The following RALGAPA1 variants were observed in gnomAD, a reference collection of about 807,000 sequenced individuals.
The protein encoded by RALGAPA1 is ral GTPase-activating protein subunit alpha-1.
Under a neutral mutation model 269.6 loss-of-function variants are expected in RALGAPA1, and 52 were observed. The ratio of observed to expected loss-of-function variants is 0.19; its 90% CI spans 0.15 to 0.24. The LOEUF (loss-of-function observed/expected upper bound fraction) is 0.24. Among genes scored for constraint, RALGAPA1 ranks in the 10% least tolerant of loss-of-function variants. The probability of loss-of-function intolerance (pLI) is 1.00; values close to 1 mark genes in which losing one functional copy is unlikely to be tolerated. For synonymous variants in RALGAPA1, 817 were observed against 1,008.3 expected (o/e 0.81, Z 3.60); for missense variants, 1,917 against 3,013.9 (o/e 0.64, Z 8.52).
In RALGAPA1 at chr14:35,609,087, G is replaced by A. The variant is rs147192718; in HGVS notation, c.6930-3378C>T. Among the ~76,000 whole-genome samples the A allele has an allele frequency of 3.2e-3, 480 of 152,034 alleles. 3 individuals are homozygous for A. Among genetic ancestry groups the A allele is most frequent in the African/African-American group, 0.011 (456 of 41,502 alleles). On this transcript the variant is annotated intron_variant, in intron 35 of 41. Coordinates refer to ENST00000680220, the MANE Select transcript of RALGAPA1 (RefSeq NM_001346249.2). ...TAAAAATACAAAAAATTAGCCAGGC[G>A]TCGGTGGGGGGTGCCTGTAGTCCCA...
chr14:35,726,327 T>C (rs948305344), intron 13 of RALGAPA1, among the ~76,000 whole-genome samples: 1 of 152,258 alleles, frequency 6.6e-6, no homozygotes, highest in Non-Finnish European at 1.5e-5. Flanking sequence ...CTTATGCTTC[T>C]AGCTTAGCTA....
intron 12 of RALGAPA1, among the ~76,000 whole-genome samples, chr14:35,734,330 C>T (rs2070776754): frequency 6.6e-6 from 1 of 152,168 alleles, no homozygotes; most frequent in Admixed American, 6.5e-5. Context: ...GTCACCAAAA[C>T]AGCATGGTAC....
intron 28 of RALGAPA1, among the ~76,000 whole-genome samples, chr14:35,656,151 CACA>C (rs1172578165): frequency 6.6e-6 from 1 of 152,138 alleles, no homozygotes; most frequent in Non-Finnish European, 1.5e-5. Flanking sequence ...TGGGATACCA[CACA>C]ACATGTTTTT....
At chr14:35,645,704 T>G (rs1176960708) in intron 31 of RALGAPA1, among the ~76,000 whole-genome samples, 2 of 137,376 alleles carry the variant, frequency 1.5e-5, no homozygotes, top group Admixed American at 1.6e-4. Context: ...CACTCCAGCC[T>G]GGGCGACAGA....
At chr14:35,621,167 T>C (rs1469748639) in intron 35 of RALGAPA1, among the ~76,000 whole-genome samples, 1 of 152,094 alleles carries the variant, frequency 6.6e-6, no homozygotes, top group African/African-American at 2.4e-5. Context: ...AACAGATATA[T>C]AGACCAACAG....
chr14:35,805,076 G>A lies in RALGAPA1; in HGVS notation c.106+3654C>T, dbSNP rs527730971. ...GCTGAGGCAGGCGGATCACGAGGTC[G>A]CGAGTTCAAGACCAGCCTGACCAAC... is the stretch of plus-strand genomic sequence containing the variant. On this transcript the variant is annotated intron_variant, in intron 1 of 41. Transcript: ENST00000680220. 8.2e-4 allele frequency among the ~76,000 whole-genome samples: 124 copies of A among 150,822 alleles called. 1 individual carries two copies. The highest frequency in any genetic ancestry group is 3.0e-3 in the Admixed American group (46 of 15,120).
intron 8 of RALGAPA1, among the ~76,000 whole-genome samples, chr14:35,750,899 C>T (rs545663649): frequency 6.6e-6 from 1 of 152,244 alleles, no homozygotes; most frequent in African/African-American, 2.4e-5. Flanking sequence ...TATGTGGAAA[C>T]ATGTATTTTT....
intron 35 of RALGAPA1, among the ~76,000 whole-genome samples, chr14:35,614,258 C>T (rs980849782): frequency 6.6e-6 from 1 of 152,148 alleles, no homozygotes; most frequent in East Asian, 1.9e-4. Flanking sequence ...ACACAAAAAA[C>T]TGTACATGAA....
intron 41 of RALGAPA1, among the ~76,000 whole-genome samples, chr14:35,546,488 T>G (rs1216165059): frequency 2.6e-5 from 4 of 151,670 alleles, no homozygotes; most frequent in Admixed American, 2.0e-4. Flanking sequence ...ATTATTTTTC[T>G]ATACTATTCC....
Position 35,686,610 on chromosome 14 carries a change from T to C in RALGAPA1, c.4009A>G (p.Ser1337Gly), listed in dbSNP as rs765906797. 6.8e-6 allele frequency: 11 copies of C among 1,609,040 alleles called. No homozygotes were observed. The highest frequency in any genetic ancestry group is 2.2e-5 in the South Asian group (2 of 90,716). The change falls in exon 19 of 42, where the codon AGC becomes GGC. Residue 1337 changes from serine to glycine, a missense_variant. Physicochemically the swap from Ser to Gly is moderately conservative, Grantham distance 56. Around this residue, in one of 11 missense-constraint regions of RALGAPA1, gnomAD observed 615 missense variants for 790.0 expected, o/e 0.78. Coordinates refer to ENST00000680220, the MANE Select transcript of RALGAPA1 (RefSeq NM_001346249.2). ...ATCAGATCAGGAACATTAGCACTGC[T>C]GCCGCCAATATCACTATTAAGAGGA... ...LPPLNSDIGG[S>G]SANVPDLMDE...
intron 39 of RALGAPA1, among the ~76,000 whole-genome samples, chr14:35,551,415 C>T (rs1310014893): frequency 6.6e-6 from 1 of 152,094 alleles, no homozygotes; most frequent in African/African-American, 2.4e-5. Flanking sequence ...ACCAAAGGTG[C>T]TGCCAGGAAG....
intron 36 of RALGAPA1, among the ~76,000 whole-genome samples, chr14:35,602,876 G>A (rs907237732): frequency 2.6e-5 from 4 of 152,058 alleles, no homozygotes; most frequent in African/African-American, 4.8e-5. Context: ...AAAATTCTAG[G>A]TCTTAACATT....
chr14:35,760,060 T>A (rs79553708), intron 6 of RALGAPA1, among the ~76,000 whole-genome samples: 6,165 of 152,248 alleles, frequency 0.04, 352 homozygotes, highest in African/African-American at 0.12. Flanking sequence ...AAAATTCAAT[T>A]TACATATAAC....
chr14:35,727,325 A>ATATATAC (rs1226103338), intron 13 of RALGAPA1, among the ~76,000 whole-genome samples: 2 of 144,148 alleles, frequency 1.4e-5, no homozygotes, highest in African/African-American at 5.0e-5. Flanking sequence ...ATATATATAT[A>ATATATAC]TATATATATA....
intron 35 of RALGAPA1, among the ~76,000 whole-genome samples, chr14:35,606,805 T>C (rs1316636135): frequency 6.6e-6 from 1 of 151,714 alleles, no homozygotes; most frequent in Non-Finnish European, 1.5e-5. Context: ...ATTAAAGTTC[T>C]TTAAAGAATT....
At chr14:35,714,497 A>G (rs2068635929) in intron 16 of RALGAPA1, among the ~76,000 whole-genome samples, 1 of 152,152 alleles carries the variant, frequency 6.6e-6, no homozygotes, top group Admixed American at 6.5e-5. Flanking sequence ...TTATATTTTT[A>G]AAGTCTAAAG....
At chr14:35,573,370 A>C (rs1037894880) in intron 37 of RALGAPA1, among the ~76,000 whole-genome samples, 1 of 152,132 alleles carries the variant, frequency 6.6e-6, no homozygotes, top group South Asian at 2.1e-4. Flanking sequence ...AGACTGCTAT[A>C]ATGCATTTTA....
chr14:35,584,821 C>T (rs2139664448), intron 37 of RALGAPA1, among the ~76,000 whole-genome samples: 1 of 151,956 alleles, frequency 6.6e-6, no homozygotes, highest in African/African-American at 2.4e-5. Flanking sequence ...AAATAGAAAA[C>T]AGTAAAGAAT....
At chr14:35,641,355 A>G (rs1344544705) in intron 31 of RALGAPA1, among the ~76,000 whole-genome samples, 1 of 152,200 alleles carries the variant, frequency 6.6e-6, no homozygotes, top group Admixed American at 6.5e-5. Context: ...TAAAGACTCT[A>G]TCAAATAACT....
Sources: gnomAD v4.1 joint callset for allele counts (sites outside exome capture counted in the v4.1 genomes callset) on GRCh38, gnomAD v4.1.1 for gene constraint, gnomAD v4.1.1 regional missense constraint, MANE v1.5 for transcripts, NCBI Gene and HGNC (gene_info 2026-07-23, HGNC 2026-07-21) for gene names.